The following MTHFD1L variants were observed in gnomAD, a reference collection of about 807,000 sequenced individuals.
MTHFD1L encodes the protein methylenetetrahydrofolate dehydrogenase (NADP+ dependent) 1 like.
In MTHFD1L, 81 loss-of-function variants were observed where a neutral mutation model predicts 119.5. The observed-to-expected ratio is 0.68, with a 90% CI of 0.57 to 0.82. The LOEUF (loss-of-function observed/expected upper bound fraction) is 0.82, where lower values mean the gene tolerates loss of function less well. MTHFD1L is among the 40% of genes least tolerant of loss of function. The pLI, the probability that MTHFD1L is intolerant of heterozygous loss-of-function variation, is 0.00. For missense variants in MTHFD1L, 1,125 were observed against 1,253.4 expected, an observed-to-expected ratio of 0.90 and a Z score of 1.55; for synonymous variants, 430 against 475.2, an observed-to-expected ratio of 0.90 and a Z score of 1.24.
intron 26 of MTHFD1L, among the ~76,000 whole-genome samples, chr6:151,046,057 A>G (rs548102121): frequency 6.6e-6 from 1 of 152,274 alleles, no homozygotes; most frequent in East Asian, 1.9e-4. Flanking sequence ...CTGGTACATA[A>G]GGTTATCTAG....
chr6:150,898,279 G>T (rs531165799), intron 7 of MTHFD1L, among the ~76,000 whole-genome samples: 1 of 152,132 alleles, frequency 6.6e-6, no homozygotes, highest in African/African-American at 2.4e-5. Context: ...CAAACTGGAT[G>T]TTATACTCAC....
intron 8 of MTHFD1L, among the ~76,000 whole-genome samples, chr6:150,911,124 A>G (rs1454802097): frequency 2.0e-5 from 3 of 152,134 alleles, no homozygotes; most frequent in Non-Finnish European, 2.9e-5. Context: ...AATTTTAATT[A>G]GTTCTCAATA....
chr6:150,941,073 A>G (rs1176489590), intron 13 of MTHFD1L, among the ~76,000 whole-genome samples: 2 of 152,242 alleles, frequency 1.3e-5, no homozygotes, highest in East Asian at 3.8e-4. Flanking sequence ...ATAAATCACC[A>G]TAGGGGAAAA....
At chr6:151,055,527 T>C (rs1001675125) in intron 26 of MTHFD1L, among the ~76,000 whole-genome samples, 13 of 151,202 alleles carry the variant, frequency 8.6e-5, no homozygotes, top group African/African-American at 2.9e-4. Flanking sequence ...GAATCTTTTT[T>C]TTTTTTTTTT....
At chr6:150,884,691 A>G (rs928121658) in intron 5 of MTHFD1L, among the ~76,000 whole-genome samples, 3 of 152,170 alleles carry the variant, frequency 2.0e-5, no homozygotes, top group African/African-American at 7.2e-5. Context: ...ATGGTTCTAA[A>G]TGTCTCCATT....
intron 20 of MTHFD1L, among the ~76,000 whole-genome samples, chr6:150,997,625 CA>C (rs988800553): frequency 2.6e-5 from 4 of 151,562 alleles, no homozygotes; most frequent in Non-Finnish European, 4.4e-5. Context: ...CCCATCTCTA[CA>C]AAAAAAATAC....
intron 15 of MTHFD1L, among the ~76,000 whole-genome samples, 189 bp from the exon 16 acceptor site, chr6:150,948,842 T>A (rs1437794756): frequency 2.0e-5 from 3 of 151,020 alleles, no homozygotes; most frequent in Non-Finnish European, 4.4e-5. Context: ...GGTTTCTCCA[T>A]GTTGGTCAGG....
intron 26 of MTHFD1L, among the ~76,000 whole-genome samples, chr6:151,044,443 A>G (rs1787638603): frequency 6.6e-6 from 1 of 151,746 alleles, no homozygotes; most frequent in African/African-American, 2.4e-5. Context: ...CTGGGATTAC[A>G]GGTGGCCGCC....
At chr6:151,052,249 A>G (rs1395150560) in intron 26 of MTHFD1L, among the ~76,000 whole-genome samples, 1 of 152,240 alleles carries the variant, frequency 6.6e-6, no homozygotes, top group African/African-American at 2.4e-5. Context: ...GAGAGAGGCC[A>G]GAGCTGAAAA....
chr6:151,006,825 A>T (rs190308065), intron 20 of MTHFD1L, among the ~76,000 whole-genome samples: 1 of 152,212 alleles, frequency 6.6e-6, no homozygotes, highest in East Asian at 1.9e-4. Flanking sequence ...ATAAATATGC[A>T]TCCAGTTGGA....
chr6:151,053,157 T>C (rs750013758), intron 26 of MTHFD1L, among the ~76,000 whole-genome samples: 13 of 152,236 alleles, frequency 8.5e-5, no homozygotes, highest in Non-Finnish European at 1.6e-4. Context: ...CTTGTACAAA[T>C]AGTTCTGATC....
At chr6:150,876,047 C>T (rs761246610) in intron 1 of MTHFD1L, 43 bp from the exon 2 acceptor site, 1 of 1,449,094 alleles carries the variant, frequency 6.9e-7, no homozygotes, top group South Asian at 1.2e-5. Context: ...CCTTTCTACT[C>T]ATTAACCAAG....
Position 150,926,029 on chromosome 6 carries a change from C to A in MTHFD1L, c.1083-93C>A. ...GACCCCAAAGTAATTGCATTGATTT[C>A]ATCGTTGGCGTGATGTGTGGCTGTT... On this transcript the variant is annotated intron_variant, in intron 10 of 27. Coordinates refer to ENST00000367321, the MANE Select transcript of MTHFD1L (RefSeq NM_015440.5). The surrounding 1 kb of genome is among the most constrained non-coding windows in gnomAD (Gnocchi z 4.3). 1 of 1,088,690 alleles carries A rather than the reference C, an allele frequency of 9.2e-7. No individual in the cohort carries two copies. Among genetic ancestry groups the A allele is most frequent in the Non-Finnish European group, 1.3e-6 (1 of 762,242 alleles). 67.4% of individuals were successfully genotyped at this position (1,088,690 alleles called of 1,614,324 possible).
intron 20 of MTHFD1L, among the ~76,000 whole-genome samples, chr6:150,973,987 C>A (rs1474939335): frequency 3.9e-5 from 6 of 152,210 alleles, no homozygotes; most frequent in Non-Finnish European, 8.8e-5. Flanking sequence ...ATGTTCAGGT[C>A]AGCAATTATA....
At chr6:150,878,871 C>A (rs1303465181) in intron 4 of MTHFD1L, among the ~76,000 whole-genome samples, 1 of 152,130 alleles carries the variant, frequency 6.6e-6, no homozygotes, top group Non-Finnish European at 1.5e-5. Flanking sequence ...ATTTGTTAAC[C>A]TTCCCTCTTT....
In MTHFD1L at chr6:151,074,274, A is replaced by G. The variant is rs148056980; in HGVS notation, c.2848-18193A>G. Among the ~76,000 whole-genome samples, 894 of 152,340 alleles carry G rather than the reference A, an allele frequency of 5.9e-3. 6 individuals carry two copies. The highest frequency in any genetic ancestry group is 0.02 in the African/African-American group (838 of 41,584). ...CAGAAAGAAAATGATACCAGTTGGA[A>G]ACCTGAATCTACCCAAAGGAATGAA... On this transcript the variant is annotated intron_variant, in intron 26 of 27. Transcript: ENST00000367321.
chr6:150,900,485 A>G (rs1784933051), intron 7 of MTHFD1L, among the ~76,000 whole-genome samples: 1 of 152,090 alleles, frequency 6.6e-6, no homozygotes, highest in Admixed American at 6.6e-5. Context: ...GGTTTTAACC[A>G]TCACCTAAAT....
At chr6:150,880,062 A>G (rs991206951) in intron 4 of MTHFD1L, among the ~76,000 whole-genome samples, 9 of 152,206 alleles carry the variant, frequency 5.9e-5, no homozygotes, top group Non-Finnish European at 5.9e-5. Flanking sequence ...AAATCAGGTT[A>G]GTTACATTCA....
In MTHFD1L at chr6:150,936,858, G is replaced by A; in HGVS notation, c.1311G>A (p.Val437=). 6.2e-6 allele frequency: 10 copies of A among 1,614,132 alleles called. No individual in the cohort carries two copies. Among genetic ancestry groups the A allele is most frequent in the Non-Finnish European group, 8.5e-6 (10 of 1,180,012 alleles). The change falls in exon 12 of 28, where the codon GTG becomes GTA. Residue 437 remains valine, a synonymous_variant. Coordinates refer to ENST00000367321, the MANE Select transcript of MTHFD1L (RefSeq NM_015440.5). ...AGAGCACAGTCACCATCGGGCTTGT[G>A]CAGGCTCTGACCGCACACCTGAATG... The part of the protein sequence containing the change: ...EGKSTVTIGL[V]QALTAHLNVN...
Sources: allele counts gnomAD v4.1 joint callset (sites outside exome capture counted in the v4.1 genomes callset), GRCh38; gene constraint gnomAD v4.1.1; non-coding constraint Gnocchi (gnomAD v3.1); transcripts MANE v1.5; gene names NCBI Gene and HGNC (gene_info 2026-07-23, HGNC 2026-07-21).